PTPRF: variants seen among roughly 807,000 people sequenced by gnomAD.
PTPRF encodes protein tyrosine phosphatase receptor type F, also known as receptor-type tyrosine-protein phosphatase F.
A neutral mutation model predicts 201.8 loss-of-function variants in PTPRF; 59 were observed. That is an observed-to-expected ratio of 0.29 (90% CI 0.24 to 0.36). The LOEUF is 0.36. Ranked by LOEUF, PTPRF falls within the 10% of genes least tolerant of loss-of-function variation. The probability of loss-of-function intolerance (pLI) is 1.00; values close to 1 mark genes in which losing one functional copy is unlikely to be tolerated. For synonymous variants in PTPRF, 1,088 were observed against 1,089.7 expected (o/e 1.00, Z 0.03); for missense variants, 2,132 against 2,690.5 (o/e 0.79, Z 4.59).
chr1:43,597,845 C>T lies in PTPRF; in HGVS notation c.1911C>T (p.Gly637=), dbSNP rs141477774. The T allele has an allele frequency of 5.4e-4, 871 of 1,608,490 alleles. 1 individual carries two copies. The highest frequency in any genetic ancestry group is 1.2e-3 in the Admixed American group (71 of 59,388). The part of the protein sequence containing the change: ...WVPPPADSRN[G]VITQYSVAYE... ...CGCCGCCTGCCGACAGCCGCAACGGCGTTATCACCCAGTACTCCGTGGCCT... is the reference window on the plus strand; with the variant it reads ...CGCCGCCTGCCGACAGCCGCAACGGTGTTATCACCCAGTACTCCGTGGCCT... The change falls in exon 12 of 34, where the codon GGC becomes GGT. Residue 637 remains glycine (G), a synonymous_variant. Transcript: ENST00000359947.
rs778784847 is a variant in PTPRF, at chr1:43,591,513, C to T, written c.1491C>T (p.Gly497=). The part of the protein sequence containing the change: ...RVLAFTAVGD[G]PPSPTIQVKT... ...TTGCCTTCACCGCCGTGGGCGATGG[C>T]CCTCCCAGCCCCACCATCCAGGTCA... Residue 497 remains glycine (G), a synonymous_variant, in exon 9 of 34, where the codon GGC becomes GGT. Transcript: ENST00000359947. The T allele has an allele frequency of 6.3e-7, 1 of 1,598,412 alleles. No individual in the cohort carries two copies.
At chr1:43,620,799 G>A in intron 31 of PTPRF, 39 bp from the exon 32 acceptor site, 3 of 1,588,960 alleles carry the variant, frequency 1.9e-6, no homozygotes. Flanking sequence ...GCTGCCTAAG[G>A]CACGAATTCT....
rs770494881 is a variant in PTPRF, at chr1:43,591,258, G to A, written c.1236G>A (p.Ala412=). The A allele has an allele frequency of 2.3e-5, 36 of 1,574,360 alleles. No individual in the cohort carries two copies. The highest frequency in any genetic ancestry group is 3.4e-5 in the South Asian group (3 of 88,232). ...EAVRARTGEQ[A]PSSPPRRVQA... ...TGCGGGCACGCACGGGAGAACAGGC[G>A]CCCTCCAGCCCACCGCGCCGCGTGC... The change falls in exon 9 of 34, where the codon GCG becomes GCA. Residue 412 remains alanine, a synonymous_variant. Transcript: ENST00000359947.
At chr1:43,608,937 C>T (rs1461333738) in intron 21 of PTPRF, among the ~76,000 whole-genome samples, 2 of 152,176 alleles carry the variant, frequency 1.3e-5, no homozygotes, top group African/African-American at 4.8e-5. Context: ...CCCTGCTGCC[C>T]TGGGCATTTA....
intron 6 of PTPRF, among the ~76,000 whole-genome samples, chr1:43,570,542 G>T (rs562499590): frequency 1.3e-5 from 2 of 152,392 alleles, no homozygotes; most frequent in Non-Finnish European, 1.5e-5. Flanking sequence ...AGGATGGCCA[G>T]TGCCGGCCAG....
rs780062080 is a variant in PTPRF, at chr1:43,588,684, C to T, written c.680-47C>T. 2.4e-5 allele frequency: 39 copies of T among 1,601,762 alleles called. No individual in the cohort carries two copies. The highest frequency in any genetic ancestry group is 3.1e-5 in the Non-Finnish European group (36 of 1,175,826). On this transcript the variant is annotated intron_variant, in intron 7 of 33. Transcript: ENST00000359947. This position sits in a 1 kb window ranked among gnomAD's most constrained non-coding sequence, Gnocchi z 5.3. The stretch of plus-strand genomic sequence containing the variant: ...AGGGGCCCCTGCCCTTCCATGCAGT[C>T]GTGTGTCCTGCCCGGCCTGTGAGTG...
At position 43,591,486 on chromosome 1, in the gene PTPRF, G is replaced by A. The variant is rs1193103349; in HGVS notation, c.1464G>A (p.Val488=). ...LLPGITYSLR[V]LAFTAVGDGP... ...CTGGCATCACCTACAGCCTGCGCGT[G>A]CTTGCCTTCACCGCCGTGGGCGATG... The change falls in exon 9 of 34, where the codon GTG becomes GTA. Residue 488 remains valine, a synonymous_variant. Coordinates refer to ENST00000359947, the MANE Select transcript of PTPRF (RefSeq NM_002840.5). 1.3e-6 allele frequency: 2 copies of A among 1,599,704 alleles called. No individual in the cohort carries two copies.
chr1:43,598,554 G>A (rs1343529477), intron 12 of PTPRF, 166 bp from the exon 13 acceptor site: 2 of 664,656 alleles, frequency 3.0e-6, no homozygotes, highest in Non-Finnish European at 5.0e-6. Flanking sequence ...GGCGGGCAGA[G>A]GGAGCCTTCC....
chr1:43,602,121 G>T, intron 14 of PTPRF, 24 bp downstream of exon 14: 1 of 1,609,668 alleles, frequency 6.2e-7, no homozygotes, highest in Middle Eastern at 1.7e-4. Context: ...GTGCGAACGC[G>T]GACAAGACAT....
At chr1:43,524,613 G>T (rs528264563), upstream of PTPRF, among the ~76,000 whole-genome samples, 6 of 152,248 alleles carry the variant, frequency 3.9e-5, no homozygotes, top group East Asian at 1.2e-3. Context: ...AGGGAAGGAG[G>T]GGACAATGGA....
chr1:43,565,850 A>ACGGACT (rs1322143031), intron 5 of PTPRF, among the ~76,000 whole-genome samples: 2 of 152,014 alleles, frequency 1.3e-5, no homozygotes, highest in Non-Finnish European at 2.9e-5. Context: ...GCGCGCCTGC[A>ACGGACT]CGGACTCGGG....
intron 5 of PTPRF, among the ~76,000 whole-genome samples, chr1:43,558,975 A>G (rs1445674087): frequency 6.6e-6 from 1 of 152,158 alleles, no homozygotes; most frequent in Non-Finnish European, 1.5e-5. Flanking sequence ...GGGAGGGACA[A>G]GGAGGCGGGG....
chr1:43,524,243 A>C (rs1195654817), upstream of PTPRF, among the ~76,000 whole-genome samples: 1 of 152,192 alleles, frequency 6.6e-6, no homozygotes, highest in Non-Finnish European at 1.5e-5. Flanking sequence ...TAAGGGATAC[A>C]TATTGGGTAC....
At chr1:43,592,096 T>G in intron 10 of PTPRF, 148 bp downstream of exon 10, 1 of 1,168,268 alleles carries the variant, frequency 8.6e-7, no homozygotes, top group South Asian at 1.5e-5. Flanking sequence ...GGTGCATGCG[T>G]GTCATGTGGC....
At chr1:43,562,865 A>AG (rs1645899591) in intron 5 of PTPRF, among the ~76,000 whole-genome samples, 1 of 151,994 alleles carries the variant, frequency 6.6e-6, no homozygotes, top group Non-Finnish European at 1.5e-5. Flanking sequence ...AGGGGAAGAT[A>AG]GGGGAGCAGA....
chr1:43,602,924 C>T (rs1293343723), intron 14 of PTPRF, among the ~76,000 whole-genome samples: 1 of 152,166 alleles, frequency 6.6e-6, no homozygotes, highest in Non-Finnish European at 1.5e-5. Flanking sequence ...GCAGCGGAGT[C>T]CTGACTGGGT....
At chr1:43,538,052 C>T in intron 1 of PTPRF, 146 bp from the exon 2 acceptor site, 1 of 392,314 alleles carries the variant, frequency 2.5e-6, no homozygotes, top group East Asian at 3.6e-5. Flanking sequence ...GGCATTTTTA[C>T]CAGATGGGGA....
At chr1:43,549,064 C>T (rs2819334) in intron 3 of PTPRF, among the ~76,000 whole-genome samples, 100,961 of 152,006 alleles carry the variant, frequency 0.66, 33,708 homozygotes, top group South Asian at 0.83. Flanking sequence ...GTCCATACCC[C>T]GGGAGCTGTG....
chr1:43,617,148 T>C (rs1658066776), intron 23 of PTPRF, among the ~76,000 whole-genome samples: 1 of 152,080 alleles, frequency 6.6e-6, no homozygotes. Flanking sequence ...GCTCATTTCA[T>C]TAGGTGAGTG....
Sources: allele counts gnomAD v4.1 joint callset (sites outside exome capture counted in the v4.1 genomes callset), GRCh38; gene constraint gnomAD v4.1.1; non-coding constraint Gnocchi (gnomAD v3.1); transcripts MANE v1.5; gene names NCBI Gene and HGNC (gene_info 2026-07-23, HGNC 2026-07-21).